ITGA9: variants seen among roughly 807,000 people sequenced by gnomAD.
ITGA9 encodes integrin alpha-9.
In ITGA9, 56 loss-of-function variants were observed where a neutral mutation model predicts 127.8. The ratio of observed to expected loss-of-function variants is 0.44; its 90% CI spans 0.35 to 0.55. The LOEUF is 0.55. Ranked by LOEUF, ITGA9 falls within the 20% of genes least tolerant of loss-of-function variation. ITGA9 has a pLI of 0.00. For missense variants in ITGA9, 1,196 were observed against 1,347.1 expected (o/e 0.89, Z 1.76); for synonymous variants, 508 against 514.5 (o/e 0.99, Z 0.17).
intron 23 of ITGA9, among the ~76,000 whole-genome samples, chr3:37,773,055 TCTC>T (rs1696863518): frequency 5.3e-5 from 8 of 152,308 alleles, no homozygotes; most frequent in Non-Finnish European, 1.0e-4. Context: ...TCCCTGCCCC[TCTC>T]CGCTGGCGTC....
chr3:37,564,828 C>A (rs1233070612), intron 15 of ITGA9, among the ~76,000 whole-genome samples: 3 of 152,214 alleles, frequency 2.0e-5, no homozygotes, highest in Non-Finnish European at 4.4e-5. Context: ...CCACAACCAT[C>A]CCTACCTGGA....
intron 18 of ITGA9, among the ~76,000 whole-genome samples, chr3:37,731,402 G>A (rs940362675): frequency 2.6e-5 from 4 of 152,136 alleles, no homozygotes; most frequent in African/African-American, 4.8e-5. Flanking sequence ...AATAACACTG[G>A]CTAAGAGCAC....
chr3:37,704,944 A>C (rs1700987915), intron 18 of ITGA9, among the ~76,000 whole-genome samples: 1 of 152,228 alleles, frequency 6.6e-6, no homozygotes, highest in South Asian at 2.1e-4. Flanking sequence ...AAGAGACTGA[A>C]TGAATAACAG....
chr3:37,581,545 CG>C (rs977330433), intron 15 of ITGA9, among the ~76,000 whole-genome samples: 6 of 152,112 alleles, frequency 3.9e-5, no homozygotes, highest in African/African-American at 1.4e-4. Context: ...GGGACAGACC[CG>C]GTTCTATTTC....
At chr3:37,569,404 G>T (rs1699579521) in intron 15 of ITGA9, among the ~76,000 whole-genome samples, 1 of 152,180 alleles carries the variant, frequency 6.6e-6, no homozygotes, top group Admixed American at 6.5e-5. Flanking sequence ...CCATATCATG[G>T]GGGTAGAGTT....
chr3:37,578,990 A>C (rs6419833), intron 15 of ITGA9, among the ~76,000 whole-genome samples: 97,607 of 151,872 alleles, frequency 0.64, 31,675 homozygotes, highest in East Asian at 0.74. Context: ...GAAGTTAAAT[A>C]ATGTTAAGGA....
At chr3:37,801,473 T>C (rs1213510499) in intron 26 of ITGA9, among the ~76,000 whole-genome samples, 1 of 152,070 alleles carries the variant, frequency 6.6e-6, no homozygotes, top group Non-Finnish European at 1.5e-5. Context: ...AATAAGTAAT[T>C]TTTAAAAAGT....
intron 20 of ITGA9, among the ~76,000 whole-genome samples, chr3:37,738,375 G>A (rs987819296): frequency 6.6e-6 from 1 of 152,174 alleles, no homozygotes; most frequent in Non-Finnish European, 1.5e-5. Context: ...TGTGTAGGTG[G>A]TGGGCACGAG....
chr3:37,757,663 C>CA lies in ITGA9; in HGVS notation c.2541+7101dup, dbSNP rs543823504. On this transcript the variant is annotated intron_variant, in intron 23 of 27. Transcript: ENST00000264741. ...CTGTCTCAAAAAAACAAAAACAAAA[C>CA]AAAAAAATCTTTTCAATTTTATTCA... Among the ~76,000 whole-genome samples, 38 of 151,064 alleles carry CA rather than the reference C, an allele frequency of 2.5e-4. 1 individual carries two copies. The highest frequency in any genetic ancestry group is 9.1e-4 in the African/African-American group (37 of 40,874).
chr3:37,675,743 C>CT (rs5848124), intron 17 of ITGA9, among the ~76,000 whole-genome samples: 2,595 of 124,516 alleles, frequency 0.021, 65 homozygotes, highest in African/African-American at 0.048. Flanking sequence ...TTAAAAACTA[C>CT]TTTTTTTTTT....
intron 4 of ITGA9, among the ~76,000 whole-genome samples, chr3:37,490,719 T>C (rs1579060714): frequency 1.6e-5 from 2 of 127,996 alleles, no homozygotes; most frequent in Non-Finnish European, 3.3e-5. Flanking sequence ...GAAACCAGTA[T>C]TTTTTTTCCT....
chr3:37,665,439 T>C (rs1700577638), intron 17 of ITGA9, among the ~76,000 whole-genome samples: 1 of 152,102 alleles, frequency 6.6e-6, no homozygotes, highest in Admixed American at 6.6e-5. Context: ...GTGTTTGCCG[T>C]TTCTCTGATG....
intron 23 of ITGA9, among the ~76,000 whole-genome samples, chr3:37,751,209 G>T (rs912857341): frequency 2.6e-5 from 4 of 152,236 alleles, no homozygotes; most frequent in Non-Finnish European, 5.9e-5. Flanking sequence ...CTCCTCCCGA[G>T]ATGCCAGCTC....
intron 22 of ITGA9, chr3:37,749,416 A>AATC (rs1696552615): frequency 6.5e-6 from 1 of 152,926 alleles, no homozygotes; most frequent in African/African-American, 2.4e-5. Flanking sequence ...CAGGTTCCAC[A>AATC]GATGAGGACA....
intron 18 of ITGA9, among the ~76,000 whole-genome samples, chr3:37,689,541 C>A (rs553724477): frequency 3.7e-4 from 57 of 152,304 alleles, no homozygotes; most frequent in Admixed American, 1.2e-3. Context: ...TACAGAGTGA[C>A]AATTCCTGGG....
intron 10 of ITGA9, among the ~76,000 whole-genome samples, chr3:37,518,138 G>T (rs1335214660): frequency 6.9e-6 from 1 of 144,804 alleles, no homozygotes; most frequent in African/African-American, 2.6e-5. Context: ...AGGCATGGAG[G>T]CATATGTACC....
chr3:37,519,114 G>A, intron 10 of ITGA9, 146 bp from the exon 11 acceptor site: 1 of 677,858 alleles, frequency 1.5e-6, no homozygotes, highest in Non-Finnish European at 2.6e-6. Context: ...CCCGCTGAGG[G>A]ATCTTGTCCC....
At chr3:37,700,958 C>T (rs1375160443) in intron 18 of ITGA9, among the ~76,000 whole-genome samples, 2 of 152,200 alleles carry the variant, frequency 1.3e-5, no homozygotes, top group Non-Finnish European at 2.9e-5. Flanking sequence ...GCTTCCCCCA[C>T]CTGGTGATTG....
At chr3:37,817,756 G>A (rs1230314604) in intron 27 of ITGA9, among the ~76,000 whole-genome samples, 1 of 152,166 alleles carries the variant, frequency 6.6e-6, no homozygotes, top group Non-Finnish European at 1.5e-5. Flanking sequence ...TTCACTGTTT[G>A]GTGGTGATGA....
Sources: gnomAD v4.1 joint callset for allele counts (sites outside exome capture counted in the v4.1 genomes callset) on GRCh38, gnomAD v4.1.1 for gene constraint, MANE v1.5 for transcripts, NCBI Gene and HGNC (gene_info 2026-07-23, HGNC 2026-07-21) for gene names.